FOCAD: variants seen among roughly 807,000 people sequenced by gnomAD.
FOCAD encodes focadhesin, also known as KIAA1797.
A neutral mutation model predicts 225.6 loss-of-function variants in FOCAD; 198 were observed. The ratio of observed to expected loss-of-function variants is 0.88; its 90% CI spans 0.78 to 0.99. The LOEUF (loss-of-function observed/expected upper bound fraction) is 0.99. Among genes scored for constraint, FOCAD ranks in the 50% least tolerant of loss-of-function variants. The probability of loss-of-function intolerance (pLI) is 0.00; values close to 1 mark genes in which losing one functional copy is unlikely to be tolerated. For missense variants in FOCAD, 2,713 were observed against 2,123.6 expected, an observed-to-expected ratio of 1.28 and a Z score of -5.46; for synonymous variants, 897 against 755.0, an observed-to-expected ratio of 1.19 and a Z score of -3.08.
intron 19 of FOCAD, among the ~76,000 whole-genome samples, chr9:20,881,565 TAGC>T (rs1830667937): frequency 6.6e-6 from 1 of 152,054 alleles, no homozygotes; most frequent in African/African-American, 2.4e-5. Context: ...AGTAGATAAA[TAGC>T]AGTGAAAAAT....
chr9:20,764,825 T>A (rs777358023), intron 6 of FOCAD, 44 bp from the exon 7 acceptor site: 9 of 1,462,908 alleles, frequency 6.2e-6, no homozygotes, highest in Non-Finnish European at 8.6e-6. Flanking sequence ...TGCTTGATAG[T>A]GTGTTTAACT....
Position 20,889,028 on chromosome 9 carries a change from G to C in FOCAD, c.2625+3798G>C, listed in dbSNP as rs551196741. The stretch of plus-strand genomic sequence containing the variant: ...CTTATTTAAAGTATACAACTCAGTG[G>C]TTTTCAGTGTATCCACAGAGTTGTG... On this transcript the variant is annotated intron_variant, in intron 21 of 43. Transcript: ENST00000338382. Among the ~76,000 whole-genome samples, 15 of 152,248 alleles carry C rather than the reference G, an allele frequency of 9.9e-5. No homozygotes were observed. The East Asian group carries it at 2.1e-3, about 22-fold the overall frequency.
intron 39 of FOCAD, 83 bp from the exon 40 acceptor site, chr9:20,986,205 T>C: frequency 7.8e-7 from 1 of 1,277,432 alleles, no homozygotes; most frequent in Non-Finnish European, 1.0e-6. Flanking sequence ...CTCATCTTTT[T>C]TGTTTTGCCC....
chr9:20,907,132 G>T lies in FOCAD; in HGVS notation c.2626-18G>T. 4 of 1,581,154 alleles carry T rather than the reference G, an allele frequency of 2.5e-6. No individual in the cohort carries two copies. Among genetic ancestry groups the T allele is most frequent in the Non-Finnish European group, 2.6e-6 (3 of 1,150,918 alleles). Reference sequence around the variant, plus strand: ...AATACTGTGTAGCCTAATATGTTGTGGTACATTTTTCCCATAGGTTCATAT... The same window carrying T: ...AATACTGTGTAGCCTAATATGTTGTTGTACATTTTTCCCATAGGTTCATAT... On this transcript the variant is annotated intron_variant, in intron 21 of 43. Transcript: ENST00000338382.
chr9:20,949,750 C>A, intron 33 of FOCAD, 75 bp downstream of exon 33: 1 of 1,226,606 alleles, frequency 8.2e-7, no homozygotes. Context: ...TTACATGATA[C>A]AACATGTTTT....
rs1820186580 is a variant in FOCAD at position 20,788,594 on chromosome 9, C to T, written c.1198-757C>T. The stretch of plus-strand genomic sequence containing the variant: ...CAGACAGTTATAATCCAGAGATTTC[C>T]AGTCTGTCACAAAGCACTATACATG... On this transcript the variant is annotated intron_variant, in intron 10 of 43. Transcript: ENST00000338382. Among the ~76,000 whole-genome samples, 5 of 152,162 alleles carry T rather than the reference C, an allele frequency of 3.3e-5. No homozygotes were observed. In the South Asian group the frequency reaches 1.0e-3, roughly 32 times the overall value.
At chr9:20,950,063 T>C (rs1268959400) in intron 33 of FOCAD, among the ~76,000 whole-genome samples, 1 of 152,116 alleles carries the variant, frequency 6.6e-6, no homozygotes, top group Non-Finnish European at 1.5e-5. Context: ...TTTGGGCATA[T>C]CATTTTAATT....
chr9:20,759,630 A>C (rs968114986), intron 6 of FOCAD, among the ~76,000 whole-genome samples: 1 of 152,214 alleles, frequency 6.6e-6, no homozygotes, highest in African/African-American at 2.4e-5. Context: ...CCTAGGCATT[A>C]CCATTCAGGA....
In FOCAD at chr9:20,758,096, T is replaced by C; in HGVS notation, c.399T>C (p.His133=). The C allele has an allele frequency of 6.2e-7, 1 of 1,604,846 alleles. No individual in the cohort carries two copies. Among genetic ancestry groups the C allele is most frequent in the South Asian group, 1.1e-5 (1 of 89,048 alleles). The change falls in exon 6 of 44, where the codon CAT becomes CAC. Residue 133 remains histidine (H), a synonymous_variant. Coordinates refer to ENST00000338382, the MANE Select transcript of FOCAD (RefSeq NM_001375567.1). Reference sequence around the variant, plus strand: ...GACTTTCTGTGTCTTTCAGAAATCATCCTCATCCTTTGATAACTGTGCTTG... The same window carrying C: ...GACTTTCTGTGTCTTTCAGAAATCACCCTCATCCTTTGATAACTGTGCTTG... The part of the protein sequence containing the change: ...NIQSIYTIRN[H]PHPLITVLEH...
intron 11 of FOCAD, among the ~76,000 whole-genome samples, chr9:20,810,504 A>T (rs1822943818): frequency 6.6e-6 from 1 of 152,126 alleles, no homozygotes; most frequent in Non-Finnish European, 1.5e-5. Flanking sequence ...CGTGGCAGAA[A>T]TGTGTAGCTA....
At chr9:20,940,986 C>G (rs1836598335) in intron 28 of FOCAD, among the ~76,000 whole-genome samples, 1 of 151,460 alleles carries the variant, frequency 6.6e-6, no homozygotes, top group Admixed American at 6.6e-5. Context: ...ATTCTTCCTT[C>G]TGCTTTTTAA....
chr9:20,977,320 G>C (rs1231724092), intron 36 of FOCAD, among the ~76,000 whole-genome samples: 1 of 152,184 alleles, frequency 6.6e-6, no homozygotes, highest in Non-Finnish European at 1.5e-5. Flanking sequence ...TGTCATATAA[G>C]GTAGTGTATT....
rs188063020 is a variant in FOCAD, at chr9:20,803,387, C to G, written c.1455+13779C>G. Reference sequence around the variant, plus strand: ...TGTAGTTGGGGTGGACAAATGGATACAGTGAATTGGTGACTCCCTGAAAAA... The same window carrying G: ...TGTAGTTGGGGTGGACAAATGGATAGAGTGAATTGGTGACTCCCTGAAAAA... On this transcript the variant is annotated intron_variant, in intron 11 of 43. Coordinates refer to ENST00000338382, the MANE Select transcript of FOCAD (RefSeq NM_001375567.1). Among the ~76,000 whole-genome samples the G allele has an allele frequency of 7.4e-4, 113 of 152,138 alleles. 1 individual carries two copies. The highest frequency in any genetic ancestry group is 2.6e-3 in the African/African-American group (107 of 41,512).
At chr9:20,666,016 T>TC (rs1368815129) in intron 2 of FOCAD, among the ~76,000 whole-genome samples, 2 of 152,148 alleles carry the variant, frequency 1.3e-5, no homozygotes, top group African/African-American at 4.8e-5. Context: ...TGCCTCAGCC[T>TC]CCCGAGTAGC....
chr9:20,747,584 C>T (rs933968168), intron 5 of FOCAD, among the ~76,000 whole-genome samples: 5 of 152,100 alleles, frequency 3.3e-5, no homozygotes, highest in Non-Finnish European at 5.9e-5. Flanking sequence ...TACCCGTTAT[C>T]AGTCATTCCC....
chr9:20,957,551 TGCA>T (rs1838292104), intron 35 of FOCAD: 1 of 143,790 alleles, frequency 7.0e-6, no homozygotes, highest in South Asian at 2.3e-4. Context: ...CTCGGCTCAC[TGCA>T]ACCTCTGCCT....
At chr9:20,993,399 T>C (rs777088065) in intron 43 of FOCAD, 71 bp downstream of exon 43, 7 of 1,281,692 alleles carry the variant, frequency 5.5e-6, no homozygotes, top group Non-Finnish European at 7.9e-6. Flanking sequence ...CAGAATGGCA[T>C]TCTAGTGGTT....
Position 20,976,473 on chromosome 9 carries a change from A to C in FOCAD, c.4186A>C (p.Thr1396Pro). Residue 1396 changes from threonine (T) to proline (P), a missense_variant, in exon 36 of 44, where the codon ACT (threonine) becomes CCT (proline). Physicochemically the swap from Thr to Pro is conservative, Grantham distance 38 (BLOSUM62 -1). Coordinates refer to ENST00000338382, the MANE Select transcript of FOCAD (RefSeq NM_001375567.1). ...LLKVVMKPIA[T>P]VGESYQYPPV... ...TAAAGTAGTGATGAAACCCATAGCA[A>C]CTGTTGGAGAAAGCTACCAATATCC... 6.2e-7 allele frequency: 1 copy of C among 1,613,274 alleles called. No homozygotes were observed. The highest frequency in any genetic ancestry group is 8.5e-7 in the Non-Finnish European group (1 of 1,179,344).
intron 35 of FOCAD, among the ~76,000 whole-genome samples, chr9:20,974,883 CT>C (rs1222556285): frequency 6.6e-6 from 1 of 152,154 alleles, no homozygotes; most frequent in Non-Finnish European, 1.5e-5. Flanking sequence ...CTTTCAGCAT[CT>C]ACTGATTCTG....
Sources: gnomAD v4.1 joint callset for allele counts (sites outside exome capture counted in the v4.1 genomes callset) on GRCh38, gnomAD v4.1.1 for gene constraint, MANE v1.5 for transcripts, NCBI Gene and HGNC (gene_info 2026-07-23, HGNC 2026-07-21) for gene names.